CELF2: variants seen among roughly 807,000 people sequenced by gnomAD.
CELF2 encodes the protein CUG triplet repeat RNA-binding protein 2.
A neutral mutation model predicts 62.6 loss-of-function variants in CELF2; 8 were observed. The ratio of observed to expected loss-of-function variants is 0.13; its 90% confidence interval spans 0.07 to 0.23. CELF2 has a LOEUF of 0.23. Among genes scored for constraint, CELF2 ranks in the 10% least tolerant of loss-of-function variants. The pLI, the probability that CELF2 is intolerant of heterozygous loss-of-function variation, is 1.00. For synonymous variants in CELF2, 258 were observed against 250.0 expected (o/e 1.03, Z -0.30); for missense variants, 333 against 671.0 (o/e 0.50, Z 5.56).
the CELF2 span, among the ~76,000 whole-genome samples, chr10:10,607,004 G>C: frequency 0.024 from 3,628 of 152,074 alleles, 141 homozygotes; most frequent in African/African-American, 0.082. Context: ...TTTAATTAAA[G>C]AAAAAAACAA....
At chr10:10,676,367 G>T in the CELF2 span, among the ~76,000 whole-genome samples, 1 of 152,168 alleles carries the variant, frequency 6.6e-6, no homozygotes, top group Admixed American at 6.5e-5. Context: ...GTGGCGCTCT[G>T]ATAAAACTCT....
At chr10:10,660,978 A>C in the CELF2 span, among the ~76,000 whole-genome samples, 1 of 152,246 alleles carries the variant, frequency 6.6e-6, no homozygotes, top group African/African-American at 2.4e-5. Context: ...CCTGTTCAAC[A>C]CAAGTGTGTG....
intron 1 of CELF2, among the ~76,000 whole-genome samples, chr10:10,819,833 T>C (rs1054383214): frequency 6.6e-6 from 1 of 152,176 alleles, no homozygotes; most frequent in Non-Finnish European, 1.5e-5. Context: ...TGTCTCAGAC[T>C]TTACAGTTTC....
At chr10:10,986,623 T>C (rs1464460688) in intron 2 of CELF2, among the ~76,000 whole-genome samples, 2 of 152,222 alleles carry the variant, frequency 1.3e-5, no homozygotes, top group Non-Finnish European at 2.9e-5. Context: ...TACAGTTCCA[T>C]TCATGTGACA....
At chr10:11,063,192 A>C (rs113229327) in intron 1 of CELF2, among the ~76,000 whole-genome samples, 39 of 152,358 alleles carry the variant, frequency 2.6e-4, no homozygotes, top group African/African-American at 8.9e-4. Flanking sequence ...TCATTGAAAT[A>C]CTAGCTTTAT....
the CELF2 span, among the ~76,000 whole-genome samples, chr10:10,617,517 C>G: frequency 6.6e-6 from 1 of 152,102 alleles, no homozygotes; most frequent in Admixed American, 6.5e-5. Context: ...TGGAAAGAGG[C>G]AGGCTTAGAG....
chr10:10,588,223 G>A, the CELF2 span, among the ~76,000 whole-genome samples: 5 of 152,096 alleles, frequency 3.3e-5, no homozygotes. Context: ...AGACACCCTG[G>A]TGTCTTCAGG....
chr10:11,320,742 A>AGCCC (rs2095392785), intron 10 of CELF2: 1 of 1,091,962 alleles, frequency 9.2e-7, no homozygotes, highest in Non-Finnish European at 1.3e-6. Context: ...TTTCCTCCTC[A>AGCCC]GCCCTGCAAG....
At chr10:10,699,344 A>T in the CELF2 span, among the ~76,000 whole-genome samples, 1 of 152,204 alleles carries the variant, frequency 6.6e-6, no homozygotes, top group South Asian at 2.1e-4. Context: ...TGGGTCCCAT[A>T]AGGACTTCTT....
intron 1 of CELF2, among the ~76,000 whole-genome samples, chr10:11,023,604 C>G (rs2058688727): frequency 6.6e-6 from 1 of 152,222 alleles, no homozygotes; most frequent in Non-Finnish European, 1.5e-5. Context: ...GAGCTTTAGA[C>G]TCCTCCTAAA....
At chr10:10,716,556 A>T in the CELF2 span, among the ~76,000 whole-genome samples, 1 of 152,220 alleles carries the variant, frequency 6.6e-6, no homozygotes, top group Non-Finnish European at 1.5e-5. Context: ...GGGGAAAAAA[A>T]ATCATTGAGA....
chr10:10,756,163 C>A, the CELF2 span, among the ~76,000 whole-genome samples: 2 of 152,096 alleles, frequency 1.3e-5, no homozygotes, highest in Non-Finnish European at 2.9e-5. Context: ...CATGGTGGCC[C>A]GCCAAAAATA....
rs570766390 is a variant in CELF2, at chr10:10,864,152, G to A, written c.54-55812G>A. Among the ~76,000 whole-genome samples the A allele has an allele frequency of 3.9e-5, 6 of 152,170 alleles. No homozygotes were observed. In the South Asian group the frequency reaches 6.2e-4, roughly 16 times the overall value. On this transcript the variant is annotated intron_variant, in intron 1 of 13. Coordinates refer to the CELF2 transcript ENST00000636488. ...GCTTAAAAATATATTACACATATAC[G>A]TACATACACACATAAAATATCGGTT...
the CELF2 span, among the ~76,000 whole-genome samples, chr10:10,506,669 A>ATTT: frequency 6.2e-5 from 2 of 32,420 alleles, no homozygotes; most frequent in African/African-American, 1.6e-4. Context: ...ACCTCCTGTG[A>ATTT]ATTTTTTTTT....
chr10:11,206,183 C>T (rs1267057016), intron 2 of CELF2, among the ~76,000 whole-genome samples: 1 of 152,196 alleles, frequency 6.6e-6, no homozygotes, highest in Non-Finnish European at 1.5e-5. Context: ...GGCCTGCATT[C>T]TTAGTCCAGG....
At chr10:10,975,126 T>G (rs746625173) in intron 2 of CELF2, among the ~76,000 whole-genome samples, 3 of 152,092 alleles carry the variant, frequency 2.0e-5, no homozygotes, top group Non-Finnish European at 2.9e-5. Flanking sequence ...GGAACACATT[T>G]TTTTCTCCCA....
At chr10:10,771,265 T>C in the CELF2 span, among the ~76,000 whole-genome samples, 1 of 152,178 alleles carries the variant, frequency 6.6e-6, no homozygotes, top group African/African-American at 2.4e-5. Flanking sequence ...CTGGAGACTT[T>C]CTCTGAGACT....
intron 1 of CELF2, among the ~76,000 whole-genome samples, chr10:11,083,203 G>A (rs750090952): frequency 6.6e-6 from 1 of 152,022 alleles, no homozygotes; most frequent in Admixed American, 6.6e-5. Context: ...ACCTCTTTTG[G>A]GAAAATAAAA....
the CELF2 span, among the ~76,000 whole-genome samples, chr10:10,465,272 C>T: frequency 1.3e-4 from 20 of 152,072 alleles, no homozygotes; most frequent in African/African-American, 3.4e-4. Flanking sequence ...ACAAGAAAAA[C>T]GAAAAAGCCA....
Sources: gnomAD v4.1 joint callset for allele counts (sites outside exome capture counted in the v4.1 genomes callset) on GRCh38, gnomAD v4.1.1 for gene constraint, MANE v1.5 for transcripts, NCBI Gene and HGNC (gene_info 2026-07-23, HGNC 2026-07-21) for gene names.